RPS6KA3: variants seen among roughly 807,000 people sequenced by gnomAD.
The protein encoded by RPS6KA3 is ribosomal protein S6 kinase A3, also known as ribosomal protein S6 kinase alpha-3.
Under a neutral mutation model 67.2 loss-of-function variants are expected in RPS6KA3, and 4 were observed. The observed-to-expected ratio is 0.06, with a 90% CI of 0.03 to 0.14. The LOEUF is 0.14. Among genes scored for constraint, RPS6KA3 ranks in the 10% least tolerant of loss-of-function variants. The probability of loss-of-function intolerance (pLI) is 1.00; values close to 1 mark genes in which losing one functional copy is unlikely to be tolerated. For missense variants in RPS6KA3, 204 were observed against 559.0 expected, an observed-to-expected ratio of 0.36 and a Z score of 6.40; for synonymous variants, 182 against 183.7, an observed-to-expected ratio of 0.99 and a Z score of 0.07.
At chrX:20,221,403 A>C (rs758227545) in intron 2 of RPS6KA3, among the ~76,000 whole-genome samples, 2 of 112,113 alleles carry the variant, frequency 1.8e-5, no homozygotes, top group South Asian at 3.7e-4. Context: ...AAAATAATGG[A>C]TGCCCATTGT....
intron 11 of RPS6KA3, 134 bp from the exon 12 acceptor site, chrX:20,176,632 C>T (rs1319889255): frequency 1.6e-5 from 8 of 508,743 alleles, no homozygotes; most frequent in Admixed American, 6.5e-5. Context: ...TGCTCTGTCA[C>T]CCAGGCTGGA....
intron 7 of RPS6KA3, among the ~76,000 whole-genome samples, chrX:20,191,018 C>T (rs1375007132): frequency 9.0e-6 from 1 of 110,800 alleles, no homozygotes; most frequent in Non-Finnish European, 1.9e-5. Flanking sequence ...TATCCCTCCC[C>T]TAGCCCCCTA....
Position 20,209,416 on chromosome X carries a change from AACG to A in RPS6KA3, c.127-15_127-13del. The A allele has an allele frequency of 1.0e-6, 1 of 977,947 alleles. No individual in the cohort carries two copies. 80.6% of individuals were successfully genotyped at this position (977,947 alleles called of 1,213,427 possible). On this transcript the variant is annotated splice_polypyrimidine_tract_variant and intron_variant, in intron 2 of 21. Coordinates refer to ENST00000379565, the MANE Select transcript of RPS6KA3 (RefSeq NM_004586.3). ...ATACTGACTTCTTCCTGTTGAGATAAACGTAAGAGGAGCAAACAGGGTTAGCCA... is the reference window on the plus strand; with the variant it reads ...ATACTGACTTCTTCCTGTTGAGATAATAAGAGGAGCAAACAGGGTTAGCCA...
intron 18 of RPS6KA3, among the ~76,000 whole-genome samples, chrX:20,164,386 G>GT (rs397977193): frequency 0.017 from 1,396 of 84,568 alleles, 16 homozygotes; most frequent in South Asian, 0.042. Context: ...CTGAAGGGTT[G>GT]TTTTTTTTTT....
At chrX:20,173,256 T>C (rs1038899201) in intron 14 of RPS6KA3, among the ~76,000 whole-genome samples, 3 of 111,977 alleles carry the variant, frequency 2.7e-5, no homozygotes, top group African/African-American at 9.7e-5. Context: ...GGAAAGGATT[T>C]AGGAGGATTC....
intron 14 of RPS6KA3, among the ~76,000 whole-genome samples, chrX:20,174,149 T>G (rs2067639254): frequency 9.0e-6 from 1 of 110,753 alleles, no homozygotes. Flanking sequence ...AAGCCTCAAG[T>G]ATTATCTGAC....
intron 2 of RPS6KA3, among the ~76,000 whole-genome samples, chrX:20,224,291 G>A (rs2069056926): frequency 9.0e-6 from 1 of 111,132 alleles, no homozygotes; most frequent in Admixed American, 9.6e-5. Context: ...AGGAGGTGCT[G>A]AACCTTTTCA....
At position 20,209,269 on chromosome X, in the gene RPS6KA3, G is replaced by C. The variant is rs1476851201; in HGVS notation, c.243+19C>G. ...AATTGAAAAGACAACTCTTAAAAAA[G>C]CACACACTCATGACTTACCTTTCCA... On this transcript the variant is annotated intron_variant, in intron 3 of 21. Coordinates refer to ENST00000379565, the MANE Select transcript of RPS6KA3 (RefSeq NM_004586.3). The C allele has an allele frequency of 1.1e-6, 1 of 885,996 alleles. No homozygotes were observed. Among genetic ancestry groups the C allele is most frequent in the Non-Finnish European group, 1.7e-6 (1 of 599,429 alleles). 73.0% of individuals were successfully genotyped at this position (885,996 alleles called of 1,213,427 possible). A position where few individuals can be genotyped will look rare whatever the true frequency, so the allele number is the denominator to read the frequency against.
At position 20,209,163 on chromosome X, in the gene RPS6KA3, A is replaced by T. The variant is rs1298934990; in HGVS notation, c.243+125T>A. 7 of 505,992 alleles carry T rather than the reference A, an allele frequency of 1.4e-5. No individual in the cohort carries two copies. The Admixed American group carries it at 1.7e-4, about 12-fold the overall frequency. 41.7% of individuals were successfully genotyped at this position (505,992 alleles called of 1,213,427 possible). The stretch of plus-strand genomic sequence containing the variant: ...CACTTACTGATAGTGAGAAATGTAA[A>T]AAAACAGAAAACATTGCTGGTAGGA... On this transcript the variant is annotated intron_variant, in intron 3 of 21. Transcript: ENST00000379565.
In RPS6KA3 at chrX:20,234,773, C is replaced by T. The variant is rs1203200803; in HGVS notation, c.111G>A (p.Glu37=). The stretch of plus-strand genomic sequence containing the variant: ...TTTTACTTACAGTTTGTGGGTTAAT[C>T]TCCTCCTCTCCCATAGGTTCATCCA... ...QIMDEPMGEE[E]INPQTEEVSI... is the part of the protein sequence containing the mutation. The change falls in exon 2 of 22, where the codon GAG becomes GAA. Residue 37 remains glutamate (E), a synonymous_variant. Coordinates refer to ENST00000379565, the MANE Select transcript of RPS6KA3 (RefSeq NM_004586.3). 1 of 1,195,311 alleles carries T rather than the reference C, an allele frequency of 8.4e-7. No individual in the cohort carries two copies. The highest frequency in any genetic ancestry group is 2.2e-5 in the Admixed American group (1 of 45,911).
At chrX:20,222,055 C>T (rs770864992) in intron 2 of RPS6KA3, among the ~76,000 whole-genome samples, 9 of 112,634 alleles carry the variant, frequency 8.0e-5, no homozygotes, top group Non-Finnish European at 1.5e-4. Context: ...TGGCTACCGC[C>T]GAGTTGAGTA....
chrX:20,262,761 A>C (rs1017562997), intron 1 of RPS6KA3, among the ~76,000 whole-genome samples: 1 of 111,675 alleles, frequency 9.0e-6, no homozygotes, highest in Non-Finnish European at 1.9e-5. Flanking sequence ...TAAAACAGGA[A>C]AAGGAAAAGA....
intron 4 of RPS6KA3, among the ~76,000 whole-genome samples, chrX:20,197,362 T>C (rs2068301468): frequency 8.9e-6 from 1 of 112,493 alleles, no homozygotes; most frequent in Non-Finnish European, 1.9e-5. Flanking sequence ...GCATCAAAAA[T>C]ATCCACTAAT....
At chrX:20,179,315 C>G (rs985735947) in intron 10 of RPS6KA3, among the ~76,000 whole-genome samples, 3 of 111,182 alleles carry the variant, frequency 2.7e-5, no homozygotes, top group African/African-American at 9.8e-5. Flanking sequence ...AATAGAAACA[C>G]AGGTCTAATG....
intron 15 of RPS6KA3, chrX:20,169,695 TCATGAGTCG>T (rs1320780382): frequency 1.1e-5 from 5 of 465,950 alleles, no homozygotes; most frequent in Non-Finnish European, 1.9e-5. Context: ...AAATTCTAAC[TCATGAGTCG>T]CATTCCCACC....
intron 1 of RPS6KA3, among the ~76,000 whole-genome samples, chrX:20,243,887 T>C (rs2069617571): frequency 9.0e-6 from 1 of 111,651 alleles, no homozygotes; most frequent in African/African-American, 3.3e-5. Context: ...TTTTCTACAA[T>C]TAGCATGTAT....
chrX:20,187,787 A>C (rs1569215881), intron 9 of RPS6KA3, 41 bp downstream of exon 9: 8 of 1,031,025 alleles, frequency 7.8e-6, no homozygotes, highest in Non-Finnish European at 1.1e-5. Context: ...CTCACTTAAC[A>C]ATCTCCTTCC....
At position 20,167,731 on chromosome X, in the gene RPS6KA3, T is replaced by C; in HGVS notation, c.1460A>G (p.Lys487Arg). Residue 487 changes from lysine (K) to arginine (R), a missense_variant, in exon 17 of 22, where the codon AAG becomes AGG. Coordinates refer to ENST00000379565, the MANE Select transcript of RPS6KA3 (RefSeq NM_004586.3). ...AAGTTCTGTTACTACATACACATAC[T>C]TTCCATCATCATATACCTATAAATT... ...ITLKDVYDDG[K>R]YVYVVTELMK... is the part of the protein sequence containing the mutation. The C allele has an allele frequency of 8.7e-7, 1 of 1,145,558 alleles. No individual in the cohort carries two copies. Among genetic ancestry groups the C allele is most frequent in the South Asian group, 1.8e-5 (1 of 55,546 alleles). 94.4% of individuals were successfully genotyped at this position (1,145,558 alleles called of 1,213,427 possible). A position where few individuals can be genotyped will look rare whatever the true frequency, so the allele number is the denominator to read the frequency against.
At chrX:20,177,636 T>C (rs770704636) in intron 10 of RPS6KA3, among the ~76,000 whole-genome samples, 6 of 112,459 alleles carry the variant, frequency 5.3e-5, no homozygotes, top group Admixed American at 9.4e-5. Context: ...ACTAAGAACT[T>C]TGTGACAGTG....
Sources: allele counts gnomAD v4.1 joint callset (sites outside exome capture counted in the v4.1 genomes callset), GRCh38; gene constraint gnomAD v4.1.1; transcripts MANE v1.5; gene names NCBI Gene and HGNC (gene_info 2026-07-23, HGNC 2026-07-21).